CCDC171: variants seen among roughly 807,000 people sequenced by gnomAD.
CCDC171 encodes the protein coiled-coil domain containing 171, also known as coiled-coil domain-containing protein 171.
In CCDC171, 177 loss-of-function variants were observed where a neutral mutation model predicts 168.2. That is an observed-to-expected ratio of 1.05 (90% CI 0.93 to 1.19). The LOEUF (loss-of-function observed/expected upper bound fraction) is 1.19, where lower values mean the gene tolerates loss of function less well. CCDC171 is among the 50% of genes most tolerant of loss of function. CCDC171 has a pLI of 0.00. For missense variants in CCDC171, 1,991 were observed against 1,539.0 expected (o/e 1.29, Z -4.91); for synonymous variants, 687 against 540.8 (o/e 1.27, Z -3.75).
intron 3 of CCDC171, among the ~76,000 whole-genome samples, chr9:16,012,509 T>C (rs1832895792): frequency 6.6e-6 from 1 of 152,186 alleles, no homozygotes; most frequent in African/African-American, 2.4e-5. Context: ...TTCTGGGATA[T>C]TTACTTGACT....
chr9:15,853,839 C>T (rs2061237237), intron 23 of CCDC171, among the ~76,000 whole-genome samples: 1 of 151,480 alleles, frequency 6.6e-6, no homozygotes, highest in Admixed American at 6.6e-5. Flanking sequence ...TCTTTTTCTG[C>T]ATCAGTTGAG....
At chr9:15,654,371 A>G (rs1381013414) in intron 7 of CCDC171, among the ~76,000 whole-genome samples, 1 of 152,196 alleles carries the variant, frequency 6.6e-6, no homozygotes, top group Non-Finnish European at 1.5e-5. Context: ...TTACTCCATG[A>G]CTGTGAAGGC....
At chr9:15,776,782 C>T (rs539459529) in intron 18 of CCDC171, among the ~76,000 whole-genome samples, 11 of 152,138 alleles carry the variant, frequency 7.2e-5, no homozygotes, top group Admixed American at 2.0e-4. Context: ...GCTGAATTTG[C>T]TTTTTGTGCT....
intron 6 of CCDC171, among the ~76,000 whole-genome samples, chr9:15,616,175 C>G (rs188931990): frequency 1.2e-3 from 189 of 152,278 alleles, no homozygotes; most frequent in Non-Finnish European, 1.6e-3. Context: ...TGGTCTCGAA[C>G]TCCTGATCTC....
At chr9:16,099,822 G>C in the CCDC171 span, among the ~76,000 whole-genome samples, 1 of 152,124 alleles carries the variant, frequency 6.6e-6, no homozygotes, top group East Asian at 1.9e-4. Flanking sequence ...AGTGGTTAGG[G>C]AACTCAGAAC....
chr9:15,942,273 T>C (rs1175316124), intron 25 of CCDC171, among the ~76,000 whole-genome samples: 1 of 151,982 alleles, frequency 6.6e-6, no homozygotes, highest in Non-Finnish European at 1.5e-5. Flanking sequence ...TTCCAAATTA[T>C]GTGGATCAAG....
At chr9:15,999,579 T>A (rs1050941063) in intron 3 of CCDC171, among the ~76,000 whole-genome samples, 1 of 152,182 alleles carries the variant, frequency 6.6e-6, no homozygotes, top group Non-Finnish European at 1.5e-5. Context: ...CTTCCAATAG[T>A]GGTGCAGCAT....
intron 3 of CCDC171, among the ~76,000 whole-genome samples, chr9:16,015,480 T>C (rs1832987380): frequency 6.6e-6 from 1 of 152,206 alleles, no homozygotes; most frequent in East Asian, 1.9e-4. Context: ...GTTCTTGTCA[T>C]GCGTCCAGTA....
At chr9:16,094,618 T>A in the CCDC171 span, among the ~76,000 whole-genome samples, 273 of 152,310 alleles carry the variant, frequency 1.8e-3, 7 homozygotes, top group Admixed American at 0.016. Context: ...GGGATGTATA[T>A]GGAAATGAGT....
At chr9:15,669,080 G>A (rs1294141530) in intron 9 of CCDC171, among the ~76,000 whole-genome samples, 1 of 152,040 alleles carries the variant, frequency 6.6e-6, no homozygotes, top group Non-Finnish European at 1.5e-5. Flanking sequence ...TCTGTTTCTT[G>A]CCAGGCAGAC....
chr9:15,603,753 T>A (rs1001334792), intron 6 of CCDC171, among the ~76,000 whole-genome samples: 1 of 151,852 alleles, frequency 6.6e-6, no homozygotes, highest in African/African-American at 2.4e-5. Context: ...TTTATATTCC[T>A]TTGGGTATAT....
intron 3 of CCDC171, among the ~76,000 whole-genome samples, chr9:15,986,371 C>T (rs985212228): frequency 2.0e-5 from 3 of 152,190 alleles, no homozygotes; most frequent in African/African-American, 7.2e-5. Context: ...TCTGCAATCA[C>T]CTTCAGAAAG....
chr9:15,785,595 T>A (rs995693301), intron 21 of CCDC171, among the ~76,000 whole-genome samples: 1 of 152,230 alleles, frequency 6.6e-6, no homozygotes, highest in East Asian at 1.9e-4. Flanking sequence ...ACTTAGGTAC[T>A]CCTCACACAA....
intron 21 of CCDC171, among the ~76,000 whole-genome samples, chr9:15,832,130 C>T (rs1224991333): frequency 6.6e-6 from 1 of 152,040 alleles, no homozygotes; most frequent in Admixed American, 6.6e-5. Flanking sequence ...GTTTTAAAGT[C>T]AAGTCTATAA....
At chr9:15,733,661 A>G (rs1206468228) in intron 16 of CCDC171, among the ~76,000 whole-genome samples, 2 of 103,948 alleles carry the variant, frequency 1.9e-5, no homozygotes, top group Non-Finnish European at 4.0e-5. Context: ...TTTCAATACT[A>G]TACTGATTTA....
At chr9:16,049,552 C>G (rs1294662806) in intron 1 of CCDC171, among the ~76,000 whole-genome samples, 3 of 152,164 alleles carry the variant, frequency 2.0e-5, no homozygotes, top group African/African-American at 7.2e-5. Flanking sequence ...CCTTGGATAT[C>G]AGAACTTCAG....
At chr9:15,701,730 A>G (rs2051763661) in intron 11 of CCDC171, among the ~76,000 whole-genome samples, 1 of 152,094 alleles carries the variant, frequency 6.6e-6, no homozygotes, top group South Asian at 2.1e-4. Context: ...CTGCTGGTTT[A>G]TCAACTACAT....
At chr9:15,617,096 T>A (rs898029158) in intron 6 of CCDC171, among the ~76,000 whole-genome samples, 1 of 152,168 alleles carries the variant, frequency 6.6e-6, no homozygotes, top group Non-Finnish European at 1.5e-5. Context: ...GTAATAACCT[T>A]TTATCAACGT....
At chr9:16,092,374 G>C in the CCDC171 span, among the ~76,000 whole-genome samples, 1 of 152,164 alleles carries the variant, frequency 6.6e-6, no homozygotes, top group Non-Finnish European at 1.5e-5. Context: ...GCCCCCTCAG[G>C]CACCTTTAGT....
Sources: allele counts gnomAD v4.1 joint callset (sites outside exome capture counted in the v4.1 genomes callset), GRCh38; gene constraint gnomAD v4.1.1; transcripts MANE v1.5; gene names NCBI Gene and HGNC (gene_info 2026-07-23, HGNC 2026-07-21).